RAD54L2: variants seen among roughly 807,000 people sequenced by gnomAD.
The protein encoded by RAD54L2 is helicase ARIP4.
A neutral mutation model predicts 138.4 loss-of-function variants in RAD54L2; 27 were observed. The observed-to-expected ratio is 0.20, with a 90% CI of 0.14 to 0.27. The LOEUF (loss-of-function observed/expected upper bound fraction) is 0.27, where lower values mean the gene tolerates loss of function less well. Ranked by LOEUF, RAD54L2 falls within the 10% of genes least tolerant of loss-of-function variation. RAD54L2 has a pLI of 1.00. For missense variants in RAD54L2, 1,396 were observed against 1,890.2 expected (o/e 0.74, Z 4.85); for synonymous variants, 644 against 723.2 (o/e 0.89, Z 1.76).
At chr3:51,552,703 G>C (rs1249541835) in intron 2 of RAD54L2, among the ~76,000 whole-genome samples, 1 of 151,232 alleles carries the variant, frequency 6.6e-6, no homozygotes, top group Non-Finnish European at 1.5e-5. Context: ...TCCTGAGGTA[G>C]CTGGGATTAC....
intron 3 of RAD54L2, among the ~76,000 whole-genome samples, chr3:51,595,282 ACT>A (rs1238247013): frequency 1.3e-5 from 2 of 152,054 alleles, no homozygotes; most frequent in Non-Finnish European, 2.9e-5. Context: ...CTGTAGTAGA[ACT>A]CTATGGGAAA....
chr3:51,570,560 G>C (rs1458327953), intron 2 of RAD54L2, among the ~76,000 whole-genome samples: 1 of 151,240 alleles, frequency 6.6e-6, no homozygotes, highest in Non-Finnish European at 1.5e-5. Context: ...GGGTTCAAGT[G>C]ATTCTCCTGC....
chr3:51,619,983 T>C (rs1342606723), intron 3 of RAD54L2, among the ~76,000 whole-genome samples: 1 of 152,202 alleles, frequency 6.6e-6, no homozygotes, highest in Non-Finnish European at 1.5e-5. Context: ...TCTTAAGGTG[T>C]GTTCAGGCTC....
intron 19 of RAD54L2, among the ~76,000 whole-genome samples, chr3:51,652,237 G>T (rs576777384): frequency 3.3e-5 from 5 of 152,086 alleles, no homozygotes; most frequent in Non-Finnish European, 7.4e-5. Flanking sequence ...GGATGTGAAG[G>T]ACCTCTTCAA....
At chr3:51,614,660 G>T (rs574601342) in intron 3 of RAD54L2, among the ~76,000 whole-genome samples, 2 of 152,054 alleles carry the variant, frequency 1.3e-5, no homozygotes, top group Non-Finnish European at 2.9e-5. Flanking sequence ...ATATAGGCAT[G>T]TGCCACCATA....
intron 1 of RAD54L2, among the ~76,000 whole-genome samples, chr3:51,540,932 T>C (rs1263355564): frequency 6.6e-6 from 1 of 150,706 alleles, no homozygotes; most frequent in Non-Finnish European, 1.5e-5. Context: ...TCCCAGCTAC[T>C]CTGGAGGCAG....
chr3:51,624,433 C>CT (rs926946951), intron 3 of RAD54L2, among the ~76,000 whole-genome samples: 22 of 151,598 alleles, frequency 1.5e-4, no homozygotes, highest in South Asian at 6.3e-4. Context: ...TATTTTCTTT[C>CT]TTTTTTTTGA....
Position 51,665,460 on chromosome 3 carries a change from T to G in RAD54L2, c.*2040T>G, listed in dbSNP as rs1701893102. On this transcript the variant is annotated 3_prime_UTR_variant, in exon 23 of 23. Coordinates refer to ENST00000684192, the MANE Select transcript of RAD54L2 (RefSeq NM_015106.4). ...CATGTGTATATGTGTGTTTGTCTGC[T>G]GTCCAATAACACCAAAAGTGGAACT... The G allele has an allele frequency of 6.6e-6, 1 of 152,246 alleles. No individual in the cohort carries two copies. The highest frequency in any genetic ancestry group is 1.5e-5 in the Non-Finnish European group (1 of 68,048). The allele number at this position is 152,246 out of a possible 1,614,324, so 9.4% of individuals were successfully genotyped here.
chr3:51,543,766 G>A (rs76064354), intron 2 of RAD54L2, among the ~76,000 whole-genome samples: 4,405 of 151,950 alleles, frequency 0.029, 92 homozygotes, highest in South Asian at 0.047. Context: ...ACTCTGGCAC[G>A]TGAGGCTCAG....
intron 2 of RAD54L2, among the ~76,000 whole-genome samples, chr3:51,547,798 T>G (rs1553672624): frequency 6.6e-6 from 1 of 152,138 alleles, no homozygotes; most frequent in Non-Finnish European, 1.5e-5. Context: ...CCCAGGCTAG[T>G]TTCGAACTCC....
rs1176855066 is a variant in RAD54L2 at position 51,627,719 on chromosome 3, A to G, written c.306A>G (p.Arg102=). ...CCTCCGAGGACCCCAAAAAGAAGAG[A>G]GCTCAGAAGCCCTCCCACATGAGAA... ...NLASEDPKKK[R]AQKPSHMRRN... Residue 102 remains arginine, a synonymous_variant, in exon 4 of 23, where the codon AGA becomes AGG. Coordinates refer to ENST00000684192, the MANE Select transcript of RAD54L2 (RefSeq NM_015106.4). 3 of 1,613,810 alleles carry G rather than the reference A, an allele frequency of 1.9e-6. No homozygotes were observed. Among genetic ancestry groups the G allele is most frequent in the Non-Finnish European group, 8.5e-7 (1 of 1,179,878 alleles).
rs200417357 is a variant in RAD54L2 at position 51,581,929 on chromosome 3, CT to C, written c.-54-8424del. Reference sequence around the variant, plus strand: ...GTTTCTGTAGTCTCCCTTCTCTTTTCTTTTTTTTTTTTTTGAGTCAGGGTTA... The same window carrying C: ...GTTTCTGTAGTCTCCCTTCTCTTTTCTTTTTTTTTTTTTGAGTCAGGGTTA... On this transcript the variant is annotated intron_variant, in intron 2 of 22. Transcript: ENST00000684192. Among the ~76,000 whole-genome samples the C allele has an allele frequency of 9.3e-3, 1,324 of 141,934 alleles. 27 individuals carry two copies. The highest frequency in any genetic ancestry group is 0.049 in the Admixed American group (696 of 14,230). 93.1% of individuals were successfully genotyped at this position (141,934 alleles called of 152,430 possible). A position where few individuals can be genotyped will look rare whatever the true frequency, so the allele number is the denominator to read the frequency against.
intron 3 of RAD54L2, among the ~76,000 whole-genome samples, chr3:51,607,800 CG>C (rs1700227518): frequency 7.0e-6 from 1 of 143,130 alleles, no homozygotes; most frequent in South Asian, 2.2e-4. Flanking sequence ...GGGTGGCGGC[CG>C]GGCAGAGGGG....
chr3:51,667,803 A>G lies in RAD54L2; in HGVS notation c.*4383A>G, dbSNP rs1052222132. On this transcript the variant is annotated 3_prime_UTR_variant, in exon 23 of 23. Transcript: ENST00000684192. ...TTATGAATACCTGAGTCTTATAACAATGAACTTCTTGAGCAGGCAGTGTCC... is the reference window on the plus strand; with the variant it reads ...TTATGAATACCTGAGTCTTATAACAGTGAACTTCTTGAGCAGGCAGTGTCC... 1.3e-5 allele frequency: 2 copies of G among 152,128 alleles called. No individual in the cohort carries two copies. Among genetic ancestry groups the G allele is most frequent in the African/African-American group, 2.4e-5 (1 of 41,402 alleles). 9.4% of individuals were successfully genotyped at this position (152,128 alleles called of 1,614,324 possible).
At chr3:51,552,362 A>C (rs575414314) in intron 2 of RAD54L2, among the ~76,000 whole-genome samples, 1 of 151,244 alleles carries the variant, frequency 6.6e-6, no homozygotes, top group South Asian at 2.1e-4. Context: ...TCCCGGGTTC[A>C]TGCCATTCTC....
At chr3:51,552,656 C>CT (rs1024190951) in intron 2 of RAD54L2, among the ~76,000 whole-genome samples, 1 of 146,640 alleles carries the variant, frequency 6.8e-6, no homozygotes, top group Non-Finnish European at 1.5e-5. Flanking sequence ...ACTGCAACCT[C>CT]TGTCTCCTGG....
chr3:51,567,075 AGCCCAAG>A (rs1316257978), intron 2 of RAD54L2, among the ~76,000 whole-genome samples: 1 of 152,006 alleles, frequency 6.6e-6, no homozygotes, highest in African/African-American at 2.4e-5. Context: ...AGCTTTTTTG[AGCCCAAG>A]GCATTATCTC....
Position 51,633,759 on chromosome 3 carries a change from G to A in RAD54L2, c.1008G>A (p.Pro336=), listed in dbSNP as rs1414550653. ...TPAKTVLAIV[P]VNTLQNWLAE... Reference sequence around the variant, plus strand: ...CCAAAACAGTCCTTGCCATTGTGCCGGTAAGAGTTTTTGGGAAGGCACCAC... The same window carrying A: ...CCAAAACAGTCCTTGCCATTGTGCCAGTAAGAGTTTTTGGGAAGGCACCAC... Residue 336 remains proline (P), a splice_region_variant and synonymous_variant, in exon 8 of 23, where the codon CCG becomes CCA. Coordinates refer to ENST00000684192, the MANE Select transcript of RAD54L2 (RefSeq NM_015106.4). 6.2e-7 allele frequency: 1 copy of A among 1,613,622 alleles called. No individual in the cohort carries two copies.
intron 2 of RAD54L2, among the ~76,000 whole-genome samples, chr3:51,582,766 C>CTTTTTTTTTTTTTTTTTTTTTTT (rs61245532): frequency 6.8e-6 from 1 of 147,238 alleles, no homozygotes; most frequent in African/African-American, 2.5e-5. Context: ...CCAGGGAAGT[C>CTTTTTTTTTTTTTTTTTTTTTTT]TTTTTTTTTT....
Sources: gnomAD v4.1 joint callset for allele counts (sites outside exome capture counted in the v4.1 genomes callset) on GRCh38, gnomAD v4.1.1 for gene constraint, MANE v1.5 for transcripts, NCBI Gene and HGNC (gene_info 2026-07-23, HGNC 2026-07-21) for gene names.